The following ARID1B variants were observed in gnomAD, a reference collection of about 807,000 sequenced individuals.
The protein encoded by ARID1B is AT-rich interaction domain 1B.
A neutral mutation model predicts 212.3 loss-of-function variants in ARID1B; 30 were observed. The observed-to-expected ratio is 0.14, with a 90% CI of 0.11 to 0.19. The LOEUF (loss-of-function observed/expected upper bound fraction) is 0.19, where lower values mean the gene tolerates loss of function less well. Among genes scored for constraint, ARID1B ranks in the 10% least tolerant of loss-of-function variants. The pLI is 1.00. For synonymous variants in ARID1B, 1,402 were observed against 1,301.7 expected (o/e 1.08, Z -1.66); for missense variants, 2,891 against 3,204.0 (o/e 0.90, Z 2.36).
intron 13 of ARID1B, 98 bp downstream of exon 13, chr6:157,184,533 T>G: frequency 7.1e-7 from 1 of 1,407,640 alleles, no homozygotes; most frequent in Non-Finnish European, 9.8e-7. Context: ...AACAGGGAAC[T>G]TGGGACTTTT....
intron 2 of ARID1B, among the ~76,000 whole-genome samples, chr6:156,875,766 C>T (rs1335525795): frequency 1.3e-5 from 2 of 152,078 alleles, no homozygotes; most frequent in Non-Finnish European, 1.5e-5. Flanking sequence ...GGCTTACTGC[C>T]GTGTTGTGCT....
intron 2 of ARID1B, among the ~76,000 whole-genome samples, chr6:156,882,992 A>T (rs987559051): frequency 6.6e-6 from 1 of 152,208 alleles, no homozygotes; most frequent in African/African-American, 2.4e-5. Context: ...GAAAAGAGGG[A>T]GAGTTCGCTG....
chr6:156,889,819 A>T (rs867135925), intron 2 of ARID1B, among the ~76,000 whole-genome samples: 26 of 151,414 alleles, frequency 1.7e-4, no homozygotes, highest in Non-Finnish European at 2.9e-4. Flanking sequence ...TGATATGGTT[A>T]AAAAAAAGGC....
intron 4 of ARID1B, among the ~76,000 whole-genome samples, chr6:157,008,160 A>G (rs1042895352): frequency 1.3e-5 from 2 of 152,016 alleles, no homozygotes; most frequent in African/African-American, 4.8e-5. Context: ...GGTAAAATAT[A>G]CATAACATAA....
At chr6:156,897,045 T>G (rs1300953806) in intron 2 of ARID1B, among the ~76,000 whole-genome samples, 3 of 152,112 alleles carry the variant, frequency 2.0e-5, no homozygotes, top group African/African-American at 7.2e-5. Flanking sequence ...AGGTAGTACT[T>G]GCGTTCTTTA....
intron 5 of ARID1B, among the ~76,000 whole-genome samples, chr6:157,105,828 C>T (rs1786437936): frequency 6.6e-6 from 1 of 152,008 alleles, no homozygotes; most frequent in Admixed American, 6.6e-5. Context: ...TCTTGAACTC[C>T]TGACTTCATG....
chr6:156,954,097 G>A (rs990605426), intron 4 of ARID1B, among the ~76,000 whole-genome samples: 4 of 151,882 alleles, frequency 2.6e-5, no homozygotes, highest in Non-Finnish European at 5.9e-5. Context: ...TTGCTCTGTT[G>A]CTCCTTTATT....
At chr6:156,952,971 C>G (rs916046540) in intron 4 of ARID1B, among the ~76,000 whole-genome samples, 1 of 152,090 alleles carries the variant, frequency 6.6e-6, no homozygotes. Context: ...ATTTCATTAC[C>G]TCTGGGAAAA....
At chr6:157,070,282 A>G (rs1162495150) in intron 4 of ARID1B, among the ~76,000 whole-genome samples, 1 of 152,022 alleles carries the variant, frequency 6.6e-6, no homozygotes, top group African/African-American at 2.4e-5. Flanking sequence ...TTTGGTTAGT[A>G]GTACATGAAA....
At chr6:156,795,384 G>A (rs978422967) in intron 1 of ARID1B, among the ~76,000 whole-genome samples, 2 of 152,078 alleles carry the variant, frequency 1.3e-5, no homozygotes, top group East Asian at 1.9e-4. Context: ...CCAGGCAGCC[G>A]GATGAGAGAT....
chr6:156,885,506 G>C (rs1177136535), intron 2 of ARID1B, among the ~76,000 whole-genome samples: 2 of 152,138 alleles, frequency 1.3e-5, no homozygotes. Flanking sequence ...TCCCCTGCCT[G>C]CCCTTGGGTG....
At chr6:156,798,885 A>G (rs571171458) in intron 1 of ARID1B, among the ~76,000 whole-genome samples, 1 of 152,266 alleles carries the variant, frequency 6.6e-6, no homozygotes, top group South Asian at 2.1e-4. Flanking sequence ...CTGAAACCTT[A>G]TGTTTGAGAG....
intron 4 of ARID1B, 55 bp from the exon 5 acceptor site, chr6:157,084,607 G>A (rs2128461654): frequency 1.3e-6 from 2 of 1,571,894 alleles, no homozygotes; most frequent in Non-Finnish European, 1.7e-6. Flanking sequence ...GTCGTCTTTT[G>A]ATGAGATATT....
At chr6:156,934,508 CTGT>C (rs904543779) in intron 3 of ARID1B, among the ~76,000 whole-genome samples, 3 of 152,222 alleles carry the variant, frequency 2.0e-5, no homozygotes, top group African/African-American at 7.2e-5. Flanking sequence ...TTGTTCCCCA[CTGT>C]TGTTTTATTC....
intron 4 of ARID1B, among the ~76,000 whole-genome samples, chr6:157,054,649 C>G (rs1231820061): frequency 6.6e-6 from 1 of 152,026 alleles, no homozygotes; most frequent in Non-Finnish European, 1.5e-5. Flanking sequence ...ACCTAAAGAG[C>G]AAGGTTTGTG....
intron 4 of ARID1B, among the ~76,000 whole-genome samples, chr6:157,069,358 C>A (rs898881474): frequency 2.6e-5 from 4 of 152,138 alleles, no homozygotes; most frequent in Admixed American, 2.0e-4. Flanking sequence ...CTGTTTATGG[C>A]CTCTCATTGT....
chr6:156,826,529 C>T (rs9397973), intron 1 of ARID1B, among the ~76,000 whole-genome samples: 9,661 of 152,206 alleles, frequency 0.063, 359 homozygotes, highest in East Asian at 0.086. Context: ...TTCACCAAAT[C>T]TTTAAAGTGA....
chr6:156,870,909 A>C (rs555595510), intron 2 of ARID1B, among the ~76,000 whole-genome samples: 75 of 152,364 alleles, frequency 4.9e-4, no homozygotes, highest in Non-Finnish European at 5.9e-4. Context: ...TCTGTATCCA[A>C]AAATGTCCTA....
intron 3 of ARID1B, among the ~76,000 whole-genome samples, chr6:156,922,171 C>T (rs1790861216): frequency 7.1e-6 from 1 of 141,470 alleles, no homozygotes; most frequent in African/African-American, 2.7e-5. Flanking sequence ...GTATAGGTTG[C>T]CCTTTTTTTT....
Sources: allele counts gnomAD v4.1 joint callset (sites outside exome capture counted in the v4.1 genomes callset), GRCh38; gene constraint gnomAD v4.1.1; transcripts MANE v1.5; gene names NCBI Gene and HGNC (gene_info 2026-07-23, HGNC 2026-07-21).